Variants in HS1BP3 observed in about 807,000 individuals in gnomAD.
HS1BP3 encodes HCLS1 binding protein 3, also known as HCLS1-binding protein 3.
A neutral mutation model predicts 33.5 loss-of-function variants in HS1BP3; 32 were observed. The ratio of observed to expected loss-of-function variants is 0.95; its 90% CI spans 0.72 to 1.28. The LOEUF is 1.28. Among genes scored for constraint, HS1BP3 ranks in the 50% most tolerant of loss-of-function variants. The pLI is 0.00. For synonymous variants in HS1BP3, 187 were observed against 209.2 expected (o/e 0.89, Z 0.92); for missense variants, 486 against 502.3 (o/e 0.97, Z 0.31).
intron 5 of HS1BP3, among the ~76,000 whole-genome samples, chr2:20,580,116 G>A (rs1434732278): frequency 6.6e-6 from 1 of 152,276 alleles, no homozygotes; most frequent in Non-Finnish European, 1.5e-5. Context: ...AAGGACTGGA[G>A]CAGAGGGCAC....
rs189439276 is a variant in HS1BP3, at chr2:20,601,835, G to A, written c.179-3570C>T. ...GCTCTGTTGCCCAGGCTGGAGTGCAGTGGCGTGATCTCGGCTCACTGCAAG... is the reference window on the plus strand; with the variant it reads ...GCTCTGTTGCCCAGGCTGGAGTGCAATGGCGTGATCTCGGCTCACTGCAAG... On this transcript the variant is annotated intron_variant, in intron 2 of 3. Transcript: ENST00000415264. Among the ~76,000 whole-genome samples the A allele has an allele frequency of 3.2e-3, 427 of 134,702 alleles. 3 individuals are homozygous for A. The highest frequency in any genetic ancestry group is 0.011 in the African/African-American group (397 of 36,596). 88.4% of individuals were successfully genotyped at this position (134,702 alleles called of 152,430 possible).
intron 4 of HS1BP3, chr2:20,634,855 G>A (rs1218011743): frequency 6.6e-6 from 1 of 152,236 alleles, no homozygotes. Flanking sequence ...CACCACGGAG[G>A]CCACAGCACG....
intron 2 of HS1BP3, among the ~76,000 whole-genome samples, chr2:20,598,729 T>G (rs975936737): frequency 2.0e-5 from 3 of 151,452 alleles, no homozygotes; most frequent in Non-Finnish European, 2.9e-5. Flanking sequence ...CGGCTAATTT[T>G]TTGTATTTTT....
chr2:20,619,326 C>T, intron 6 of HS1BP3, 81 bp from the exon 7 acceptor site: 2 of 1,262,702 alleles, frequency 1.6e-6, no homozygotes, highest in Non-Finnish European at 2.2e-6. Flanking sequence ...TGCCAGTGCC[C>T]ACACGGGGCT....
chr2:20,570,685 G>C (rs983084749), intron 5 of HS1BP3, among the ~76,000 whole-genome samples: 1 of 152,242 alleles, frequency 6.6e-6, no homozygotes, highest in African/African-American at 2.4e-5. Context: ...AACTGCCCAA[G>C]TGAGTTCCCA....
intron 2 of HS1BP3, among the ~76,000 whole-genome samples, chr2:20,604,763 CA>C (rs1158466579): frequency 6.6e-6 from 1 of 152,154 alleles, no homozygotes; most frequent in East Asian, 1.9e-4. Context: ...TGCCAGAAGC[CA>C]AGCAGGTCGC....
chr2:20,646,383 G>T (rs1695520405), intron 1 of HS1BP3, among the ~76,000 whole-genome samples: 1 of 152,158 alleles, frequency 6.6e-6, no homozygotes, highest in Non-Finnish European at 1.5e-5. Context: ...TGTGTCTGGG[G>T]CAAGGCCCTT....
At chr2:20,632,558 A>G (rs747989570) in intron 4 of HS1BP3, among the ~76,000 whole-genome samples, 1 of 152,262 alleles carries the variant, frequency 6.6e-6, no homozygotes, top group Non-Finnish European at 1.5e-5. Context: ...CTCAGTCGTA[A>G]CAACAGAGCC....
chr2:20,647,066 G>GT (rs1023055286), intron 1 of HS1BP3, among the ~76,000 whole-genome samples: 15 of 138,148 alleles, frequency 1.1e-4, no homozygotes, highest in African/African-American at 3.9e-4. Flanking sequence ...ACGAGGCACA[G>GT]GGGGGTGAAA....
downstream of HS1BP3, among the ~76,000 whole-genome samples, chr2:20,591,440 C>T (rs1440413552): frequency 6.6e-6 from 1 of 152,200 alleles, no homozygotes; most frequent in Non-Finnish European, 1.5e-5. Flanking sequence ...GAGCCACAAG[C>T]ACTCGGATTC....
At chr2:20,639,444 G>C (rs1003931126) in intron 3 of HS1BP3, among the ~76,000 whole-genome samples, 1 of 152,238 alleles carries the variant, frequency 6.6e-6, no homozygotes, top group African/African-American at 2.4e-5. Flanking sequence ...TTTGAGAAGC[G>C]TGGGCTCAGA....
In HS1BP3 at chr2:20,573,812, C is replaced by T. The variant is rs1345918300; in HGVS notation, c.303-13297G>A. Among the ~76,000 whole-genome samples, 3 of 152,214 alleles carry T rather than the reference C, an allele frequency of 2.0e-5. No homozygotes were observed. The South Asian group carries it at 6.2e-4, about 31-fold the overall frequency. ...CTCCGGTCAGGACCATTCATCGGTG[C>T]TGACCTCGAGGTAACTTCAGACTCC... On this transcript the variant is annotated intron_variant, in intron 5 of 5. Coordinates refer to the HS1BP3 transcript ENST00000446825.
Position 20,638,796 on chromosome 2 carries a change from A to G in HS1BP3, c.407-144T>C, listed in dbSNP as rs1311790942. The G allele has an allele frequency of 4.6e-6, 3 of 652,180 alleles. No individual in the cohort carries two copies. The African/African-American group carries it at 5.5e-5, about 12-fold the overall frequency. 40.4% of individuals were successfully genotyped at this position (652,180 alleles called of 1,614,324 possible). On this transcript the variant is annotated intron_variant, in intron 3 of 6. Coordinates refer to ENST00000304031, the MANE Select transcript of HS1BP3 (RefSeq NM_022460.4). Reference sequence around the variant, plus strand: ...TGGGACCAAACTCGTCCCTCCTGGGACCTAAGCAGGATGGCGAGTCTGGGT... The same window carrying G: ...TGGGACCAAACTCGTCCCTCCTGGGGCCTAAGCAGGATGGCGAGTCTGGGT...
chr2:20,578,779 C>T (rs1469469196), intron 5 of HS1BP3, among the ~76,000 whole-genome samples: 1 of 152,174 alleles, frequency 6.6e-6, no homozygotes, highest in Admixed American at 6.5e-5. Flanking sequence ...AACTGAGGCT[C>T]AGAATGGGAA....
At chr2:20,586,033 C>T (rs1693672384) in intron 5 of HS1BP3, among the ~76,000 whole-genome samples, 1 of 152,232 alleles carries the variant, frequency 6.6e-6, no homozygotes, top group African/African-American at 2.4e-5. Flanking sequence ...TCTGCAGTGC[C>T]ATACACCGTG....
At chr2:20,581,001 T>G (rs1693520787) in intron 5 of HS1BP3, among the ~76,000 whole-genome samples, 1 of 152,232 alleles carries the variant, frequency 6.6e-6, no homozygotes, top group African/African-American at 2.4e-5. Flanking sequence ...AGATGCCAGC[T>G]TGTCAGGCAT....
the HS1BP3 span, among the ~76,000 whole-genome samples, chr2:20,554,873 C>T: frequency 3.9e-5 from 6 of 152,128 alleles, no homozygotes; most frequent in Non-Finnish European, 8.8e-5. Flanking sequence ...TGCATCCACC[C>T]CCTACTTAAA....
rs1692970488 is a variant in HS1BP3, at chr2:20,560,690, A to C, written c.303-175T>G. Among the ~76,000 whole-genome samples the C allele has an allele frequency of 2.0e-5, 3 of 152,136 alleles. No homozygotes were observed. The South Asian group carries it at 6.2e-4, about 32-fold the overall frequency. On this transcript the variant is annotated intron_variant, in intron 5 of 5. Transcript: ENST00000446825. Reference sequence around the variant, plus strand: ...GGCCCAGAGAGAAGGGACTCACCCAAGGTCACATGGCAGAAAATACTGGAG... The same window carrying C: ...GGCCCAGAGAGAAGGGACTCACCCACGGTCACATGGCAGAAAATACTGGAG...
chr2:20,604,772 C>T lies in HS1BP3; in HGVS notation c.179-6507G>A, dbSNP rs550787876. ...TCTTCATGCCAGAAGCCAAGCAGGTCGCAGAGGAGGGAAGATGCTTCCATC... is the reference window on the plus strand; with the variant it reads ...TCTTCATGCCAGAAGCCAAGCAGGTTGCAGAGGAGGGAAGATGCTTCCATC... On this transcript the variant is annotated intron_variant, in intron 2 of 3. Coordinates refer to the HS1BP3 transcript ENST00000415264. Among the ~76,000 whole-genome samples the T allele has an allele frequency of 7.2e-5, 11 of 152,218 alleles. No homozygotes were observed. In the East Asian group the frequency reaches 1.7e-3, roughly 24 times the overall value.
Sources: gnomAD v4.1 joint callset for allele counts (sites outside exome capture counted in the v4.1 genomes callset) on GRCh38, gnomAD v4.1.1 for gene constraint, MANE v1.5 for transcripts, NCBI Gene and HGNC (gene_info 2026-07-23, HGNC 2026-07-21) for gene names.